The following COL21A1 variants were observed in gnomAD, a reference collection of about 807,000 sequenced individuals.
The protein encoded by COL21A1 is collagen alpha-1(XXI) chain.
Under a neutral mutation model 137.9 loss-of-function variants are expected in COL21A1, and 149 were observed. The ratio of observed to expected loss-of-function variants is 1.08; its 90% confidence interval spans 0.95 to 1.24. The LOEUF (loss-of-function observed/expected upper bound fraction) is 1.24, where lower values mean the gene tolerates loss of function less well. COL21A1 is among the 50% of genes most tolerant of loss of function. The pLI, the probability that COL21A1 is intolerant of heterozygous loss-of-function variation, is 0.00. For missense variants in COL21A1, 1,167 were observed against 1,158.4 expected (o/e 1.01, Z -0.11); for synonymous variants, 456 against 391.5 (o/e 1.16, Z -1.95).
At chr6:56,300,474 T>TA (rs897806752) in intron 1 of COL21A1, among the ~76,000 whole-genome samples, 2 of 152,180 alleles carry the variant, frequency 1.3e-5, no homozygotes, top group Non-Finnish European at 2.9e-5. Context: ...GAATGTCTTC[T>TA]AAAAAACTGG....
intron 23 of COL21A1, among the ~76,000 whole-genome samples, 181 bp downstream of exon 23, chr6:56,067,114 T>TG (rs1250540369): frequency 6.6e-6 from 1 of 151,448 alleles, no homozygotes; most frequent in East Asian, 1.9e-4. Flanking sequence ...AACAGCAAAG[T>TG]GGTGAGGAAT....
chr6:56,382,797 T>G (rs1475004753), intron 1 of COL21A1, among the ~76,000 whole-genome samples: 1 of 152,076 alleles, frequency 6.6e-6, no homozygotes, highest in Admixed American at 6.6e-5. Context: ...CTAAGAAAAT[T>G]AATTTCTATT....
rs1561898504 is a variant in COL21A1, at chr6:56,130,212, A to ATATAT, written c.1543-4064_1543-4063insATATA. Among the ~76,000 whole-genome samples the ATATAT allele has an allele frequency of 6.7e-3, 128 of 19,108 alleles. 2 individuals are homozygous for ATATAT. The highest frequency in any genetic ancestry group is 0.013 in the African/African-American group (103 of 7,728). The allele number at this position is 19,108 out of a possible 152,430, so 12.5% of individuals were successfully genotyped here. A position where few individuals can be genotyped will look rare whatever the true frequency, so the allele number is the denominator to read the frequency against. On this transcript the variant is annotated intron_variant, in intron 12 of 29. Coordinates refer to ENST00000244728, the MANE Select transcript of COL21A1 (RefSeq NM_030820.4). ...ATATATATATATATATATATATATA[A>ATATAT]AATTTCAAATTACATATTTATAATT...
Position 56,075,394 on chromosome 6 carries a change from T to G in COL21A1, c.1911+85A>C, listed in dbSNP as rs959974687. 3 of 1,057,884 alleles carry G rather than the reference T, an allele frequency of 2.8e-6. No individual in the cohort carries two copies. The African/African-American group carries it at 5.0e-5, about 18-fold the overall frequency. The allele number at this position is 1,057,884 out of a possible 1,614,324, so 65.5% of individuals were successfully genotyped here. A position where few individuals can be genotyped will look rare whatever the true frequency, so the allele number is the denominator to read the frequency against. The stretch of plus-strand genomic sequence containing the variant: ...TTTTATTGCTGTATCCCCTACATTT[T>G]TATGAACTCTCGAATATGAACTCCT... On this transcript the variant is annotated intron_variant, in intron 19 of 29. Transcript: ENST00000244728.
At chr6:56,231,644 T>C (rs16887707) in intron 1 of COL21A1, among the ~76,000 whole-genome samples, 2,178 of 152,016 alleles carry the variant, frequency 0.014, 29 homozygotes, top group Middle Eastern at 0.037. Context: ...AGTAAATACA[T>C]GGTTAATAAT....
At chr6:56,174,400 A>G (rs1297920974) in intron 3 of COL21A1, among the ~76,000 whole-genome samples, 1 of 152,070 alleles carries the variant, frequency 6.6e-6, no homozygotes, top group Non-Finnish European at 1.5e-5. Context: ...TTTTGGAAAA[A>G]TCAACAAAAT....
chr6:56,387,228 T>A (rs2094019797), intron 1 of COL21A1, among the ~76,000 whole-genome samples: 1 of 149,588 alleles, frequency 6.7e-6, no homozygotes, highest in Admixed American at 6.6e-5. Flanking sequence ...TAAACCATGT[T>A]AGCCTCTAAA....
chr6:56,152,039 T>C (rs1488790952), intron 10 of COL21A1, among the ~76,000 whole-genome samples: 2 of 152,218 alleles, frequency 1.3e-5, no homozygotes, highest in Non-Finnish European at 2.9e-5. Context: ...TATAACAAAT[T>C]ACCCCAAACA....
intron 12 of COL21A1, among the ~76,000 whole-genome samples, chr6:56,132,309 G>C (rs1183260116): frequency 6.6e-6 from 1 of 151,904 alleles, no homozygotes; most frequent in Non-Finnish European, 1.5e-5. Flanking sequence ...ATGTGCAAAG[G>C]GATCCTAACT....
In COL21A1 at chr6:56,087,075, TGTTTTGTTTTGTTTTG is replaced by T. The variant is rs796557243; in HGVS notation, c.1813-9518_1813-9503del. ...TGTCCCTTCACCTTTTGTTTTGTTT[TGTTTTGTTTTGTTTTG>T]TTTTGTTTTGTTTTGTTTTGCCATA... On this transcript the variant is annotated intron_variant, in intron 17 of 29. Coordinates refer to ENST00000244728, the MANE Select transcript of COL21A1 (RefSeq NM_030820.4). 4.7e-3 allele frequency among the ~76,000 whole-genome samples: 499 copies of T among 106,280 alleles called. 3 individuals carry two copies. The highest frequency in any genetic ancestry group is 0.018 in the African/African-American group (476 of 26,398). 69.7% of individuals were successfully genotyped at this position (106,280 alleles called of 152,430 possible).
intron 16 of COL21A1, among the ~76,000 whole-genome samples, chr6:56,115,944 T>G (rs1294033463): frequency 6.6e-6 from 1 of 151,922 alleles, no homozygotes; most frequent in Non-Finnish European, 1.5e-5. Context: ...AAGTAATTGA[T>G]GAGCTTGAAG....
rs116792705 is a variant in COL21A1, at chr6:56,210,765, G to A, written c.-38-28109C>T. Among the ~76,000 whole-genome samples the A allele has an allele frequency of 7.2e-3, 1,096 of 152,168 alleles. 17 individuals are homozygous for A. Among genetic ancestry groups the A allele is most frequent in the African/African-American group, 0.025 (1,025 of 41,534 alleles). ...ACCTAAATAAAAGAAATTCAGTACT[G>A]TGTTATATGACACCAAGAGGACAAA... On this transcript the variant is annotated intron_variant, in intron 1 of 29. Transcript: ENST00000244728.
At chr6:56,064,175 T>C (rs1766041071) in intron 24 of COL21A1, among the ~76,000 whole-genome samples, 1 of 152,056 alleles carries the variant, frequency 6.6e-6, no homozygotes, top group South Asian at 2.1e-4. Context: ...GGGAAACAAG[T>C]ACATTTCTCC....
chr6:56,224,648 A>T (rs976479452), intron 1 of COL21A1, among the ~76,000 whole-genome samples: 1 of 152,102 alleles, frequency 6.6e-6, no homozygotes, highest in Non-Finnish European at 1.5e-5. Context: ...AAAAATCAGC[A>T]GATGTAACTA....
chr6:56,301,831 G>A (rs1263500807), intron 1 of COL21A1, among the ~76,000 whole-genome samples: 1 of 146,988 alleles, frequency 6.8e-6, no homozygotes, highest in Non-Finnish European at 1.5e-5. Context: ...TTTAACATTA[G>A]GTATATCTCC....
chr6:56,285,801 T>A (rs937789118), intron 1 of COL21A1, among the ~76,000 whole-genome samples: 12 of 130,030 alleles, frequency 9.2e-5, no homozygotes, highest in African/African-American at 3.3e-4. Context: ...CCTCCCTCAT[T>A]AGCCCACCAT....
In COL21A1 at chr6:56,060,044, C is replaced by T; in HGVS notation, c.2582G>A (p.Gly861Glu). The change falls in exon 28 of 30, where the codon GGA (glycine) becomes GAA (glutamate). Residue 861 changes from glycine to glutamate, a missense_variant. Transcript: ENST00000244728. The part of the protein sequence containing the change: ...DGVPGLVGVP[G>E]RPGVRGLKGL... ...TTTTAATCCTCTGACACCTGGACGT[C>T]CAGGGACACCCACTAATCCAGGAAC... 6.2e-7 allele frequency: 1 copy of T among 1,606,616 alleles called. No homozygotes were observed. The highest frequency in any genetic ancestry group is 8.5e-7 in the Non-Finnish European group (1 of 1,177,712).
At chr6:56,347,449 T>C (rs150521451) in intron 1 of COL21A1, among the ~76,000 whole-genome samples, 2 of 151,092 alleles carry the variant, frequency 1.3e-5, no homozygotes, top group African/African-American at 2.4e-5. Context: ...TTATCCAGCC[T>C]TCAAACAATA....
chr6:56,089,031 C>G (rs1322296452), intron 17 of COL21A1, among the ~76,000 whole-genome samples: 2 of 152,126 alleles, frequency 1.3e-5, no homozygotes, highest in Non-Finnish European at 2.9e-5. Context: ...GTCAAGTGGT[C>G]CGCCCCCCTT....
Sources: gnomAD v4.1 joint callset for allele counts (sites outside exome capture counted in the v4.1 genomes callset) on GRCh38, gnomAD v4.1.1 for gene constraint, MANE v1.5 for transcripts, NCBI Gene and HGNC (gene_info 2026-07-23, HGNC 2026-07-21) for gene names.